RUNDC3B: variants seen among roughly 807,000 people sequenced by gnomAD.
RUNDC3B encodes RUN domain-containing protein 3B.
Under a neutral mutation model 58.4 loss-of-function variants are expected in RUNDC3B, and 33 were observed. The ratio of observed to expected loss-of-function variants is 0.56; its 90% CI spans 0.43 to 0.75. RUNDC3B has a LOEUF of 0.75. Ranked by LOEUF, RUNDC3B falls within the 30% of genes least tolerant of loss-of-function variation. RUNDC3B has a pLI of 0.00. For missense variants in RUNDC3B, 501 were observed against 535.7 expected (o/e 0.94, Z 0.64); for synonymous variants, 193 against 195.2 (o/e 0.99, Z 0.10).
intron 9 of RUNDC3B, among the ~76,000 whole-genome samples, chr7:87,814,553 A>T (rs1045699593): frequency 3.9e-5 from 6 of 152,202 alleles, no homozygotes; most frequent in Non-Finnish European, 5.9e-5. Flanking sequence ...TAAAGTGCAG[A>T]TAGTAATAAT....
intron 1 of RUNDC3B, among the ~76,000 whole-genome samples, chr7:87,647,115 G>T (rs981472588): frequency 7.2e-5 from 11 of 152,104 alleles, no homozygotes; most frequent in Non-Finnish European, 1.0e-4. Context: ...ATATGTAATG[G>T]TATGTAATTT....
At chr7:87,673,585 G>A (rs1429050097) in intron 2 of RUNDC3B, among the ~76,000 whole-genome samples, 2 of 152,100 alleles carry the variant, frequency 1.3e-5, no homozygotes, top group Non-Finnish European at 2.9e-5. Flanking sequence ...TCTTAAAATG[G>A]CCCTTCGATA....
At chr7:87,737,216 C>A (rs1287142310) in intron 4 of RUNDC3B, among the ~76,000 whole-genome samples, 1 of 151,692 alleles carries the variant, frequency 6.6e-6, no homozygotes, top group Non-Finnish European at 1.5e-5. Context: ...TTCTTTAGAA[C>A]AAAAAATATT....
intron 6 of RUNDC3B, among the ~76,000 whole-genome samples, chr7:87,757,154 G>A (rs575189433): frequency 1.3e-4 from 20 of 152,068 alleles, no homozygotes; most frequent in South Asian, 2.1e-4. Flanking sequence ...AACCCCCCAC[G>A]AGCTCCTGAG....
intron 7 of RUNDC3B, 43 bp downstream of exon 7, chr7:87,770,792 A>T: frequency 7.1e-7 from 1 of 1,414,534 alleles, no homozygotes; most frequent in African/African-American, 1.4e-5. Context: ...TATTCTAGTT[A>T]TTGCCTTTGA....
At position 87,830,529 on chromosome 7, in the gene RUNDC3B, A is replaced by G. The variant is rs1838077521; in HGVS notation, c.*499A>G. 1 of 151,518 alleles carries G rather than the reference A, an allele frequency of 6.6e-6. No individual in the cohort carries two copies. Among genetic ancestry groups the G allele is most frequent in the Admixed American group, 6.6e-5 (1 of 15,124 alleles). The allele number at this position is 151,518 out of a possible 1,614,324, so 9.4% of individuals were successfully genotyped here. Reference sequence around the variant, plus strand: ...TAAATGCCTTGTTTTTAATAACGGGAAAGTTCTCAGCTGCATTTTCACAGT... The same window carrying G: ...TAAATGCCTTGTTTTTAATAACGGGGAAGTTCTCAGCTGCATTTTCACAGT... On this transcript the variant is annotated 3_prime_UTR_variant, in exon 11 of 11. Coordinates refer to ENST00000394654, the MANE Select transcript of RUNDC3B (RefSeq NM_001134405.2).
chr7:87,647,242 A>G (rs1823100436), intron 1 of RUNDC3B, among the ~76,000 whole-genome samples: 1 of 152,182 alleles, frequency 6.6e-6, no homozygotes, highest in African/African-American at 2.4e-5. Flanking sequence ...CAAAGTCAAA[A>G]TTATTTTCTT....
At chr7:87,705,374 C>T (rs1414585020) in intron 3 of RUNDC3B, among the ~76,000 whole-genome samples, 1 of 152,010 alleles carries the variant, frequency 6.6e-6, no homozygotes, top group African/African-American at 2.4e-5. Context: ...TGCAGTGAGC[C>T]GAGATCATGC....
At chr7:87,759,821 T>C (rs1833577998) in intron 6 of RUNDC3B, among the ~76,000 whole-genome samples, 1 of 151,182 alleles carries the variant, frequency 6.6e-6, no homozygotes, top group South Asian at 2.1e-4. Context: ...CTTGAGGTGA[T>C]AGATACCTCA....
At chr7:87,685,080 A>T (rs1827323976) in intron 2 of RUNDC3B, among the ~76,000 whole-genome samples, 1 of 152,224 alleles carries the variant, frequency 6.6e-6, no homozygotes, top group Admixed American at 6.5e-5. Context: ...AAACAAAAAA[A>T]ATTGATAAAG....
At chr7:87,712,506 A>G (rs897297120) in intron 4 of RUNDC3B, among the ~76,000 whole-genome samples, 2 of 152,094 alleles carry the variant, frequency 1.3e-5, no homozygotes, top group Non-Finnish European at 2.9e-5. Context: ...AGAATATTGA[A>G]TCAAAGTTAT....
intron 6 of RUNDC3B, among the ~76,000 whole-genome samples, chr7:87,754,654 G>A (rs1410536898): frequency 6.6e-6 from 1 of 151,962 alleles, no homozygotes; most frequent in South Asian, 2.1e-4. Context: ...CCAGGAGTTG[G>A]TTTTTTGAAA....
intron 2 of RUNDC3B, 144 bp downstream of exon 2, chr7:87,651,081 G>C (rs959069008): frequency 6.9e-6 from 4 of 581,712 alleles, no homozygotes; most frequent in African/African-American, 1.9e-5. Flanking sequence ...GTGTGACTAC[G>C]AAAGAGCCTC....
intron 2 of RUNDC3B, among the ~76,000 whole-genome samples, chr7:87,686,791 A>G (rs1239987477): frequency 6.6e-6 from 1 of 151,502 alleles, no homozygotes; most frequent in Non-Finnish European, 1.5e-5. Context: ...AAAAAAAAAA[A>G]AGAATTAACT....
At chr7:87,762,381 G>C (rs1010842726) in intron 6 of RUNDC3B, among the ~76,000 whole-genome samples, 3 of 151,116 alleles carry the variant, frequency 2.0e-5, no homozygotes, top group East Asian at 1.9e-4. Context: ...TTTGTTTACA[G>C]TTTTTACATC....
chr7:87,664,294 G>A (rs1385334626), intron 2 of RUNDC3B, among the ~76,000 whole-genome samples: 1 of 152,050 alleles, frequency 6.6e-6, no homozygotes, highest in South Asian at 2.1e-4. Flanking sequence ...CCTGGAGATA[G>A]CAGCTGCACT....
chr7:87,828,486 T>C lies in RUNDC3B; in HGVS notation c.1226-1399T>C, dbSNP rs1413271472. ...ATTATATGTGGTATTTGGTTTTCTA[T>C]TCCTATGTTAATTCACTTAAGATAA... On this transcript the variant is annotated intron_variant, in intron 10 of 10. Coordinates refer to ENST00000394654, the MANE Select transcript of RUNDC3B (RefSeq NM_001134405.2). 2.6e-5 allele frequency among the ~76,000 whole-genome samples: 4 copies of C among 152,186 alleles called. No homozygotes were observed. The East Asian group carries it at 5.8e-4, about 22-fold the overall frequency.
chr7:87,739,539 G>A (rs967455434), intron 4 of RUNDC3B, among the ~76,000 whole-genome samples: 3 of 151,968 alleles, frequency 2.0e-5, no homozygotes, highest in Non-Finnish European at 2.9e-5. Context: ...TTTTAGGAGA[G>A]CTGGAAACAG....
At chr7:87,717,973 T>G (rs1017025986) in intron 4 of RUNDC3B, among the ~76,000 whole-genome samples, 2 of 152,120 alleles carry the variant, frequency 1.3e-5, no homozygotes, top group African/African-American at 4.8e-5. Context: ...ATTAAGAAAC[T>G]GATACATTTT....
Sources: allele counts gnomAD v4.1 joint callset (sites outside exome capture counted in the v4.1 genomes callset), GRCh38; gene constraint gnomAD v4.1.1; transcripts MANE v1.5; gene names NCBI Gene and HGNC (gene_info 2026-07-23, HGNC 2026-07-21).